The following ANXA4 variants were observed in gnomAD, a reference collection of about 807,000 sequenced individuals.
ANXA4 encodes annexin A4, also known as 35-beta calcimedin.
In ANXA4, 39 loss-of-function variants were observed where a neutral mutation model predicts 49.8. The observed-to-expected ratio is 0.78, with a 90% confidence interval of 0.61 to 1.02. ANXA4 has a LOEUF of 1.02. ANXA4 is among the 50% of genes least tolerant of loss of function. ANXA4 has a pLI of 0.00. For missense variants in ANXA4, 360 were observed against 410.1 expected (o/e 0.88, Z 1.05); for synonymous variants, 134 against 152.5 (o/e 0.88, Z 0.89).
At chr2:69,809,033 T>C (rs1464158285) in intron 6 of ANXA4, 1 of 152,222 alleles carries the variant, frequency 6.6e-6, no homozygotes, top group Non-Finnish European at 1.5e-5. Context: ...TAAAATAGTA[T>C]GCTATGATCC....
chr2:69,778,444 G>A (rs911937435), intron 1 of ANXA4, among the ~76,000 whole-genome samples: 9 of 152,158 alleles, frequency 5.9e-5, no homozygotes, highest in African/African-American at 9.7e-5. Flanking sequence ...TGTCTCTGGA[G>A]TCAGAAAAGG....
intron 2 of ANXA4, among the ~76,000 whole-genome samples, chr2:69,699,359 G>A (rs1224289640): frequency 6.6e-6 from 1 of 152,148 alleles, no homozygotes. Flanking sequence ...AGAAACTTAG[G>A]GCCAGGTGTG....
intron 3 of ANXA4, among the ~76,000 whole-genome samples, 180 bp downstream of exon 3, chr2:69,788,321 C>G (rs1672504512): frequency 6.6e-6 from 1 of 152,182 alleles, no homozygotes; most frequent in Non-Finnish European, 1.5e-5. Flanking sequence ...GGGCAGATCA[C>G]TTGAGGCCAC....
intron 3 of ANXA4, among the ~76,000 whole-genome samples, chr2:69,734,324 T>G (rs920924904): frequency 1.3e-5 from 2 of 152,182 alleles, no homozygotes; most frequent in African/African-American, 4.8e-5. Context: ...GCTTCTGACC[T>G]CACAAGCTAA....
intron 2 of ANXA4, among the ~76,000 whole-genome samples, chr2:69,719,859 T>G (rs530887514): frequency 6.6e-6 from 1 of 152,074 alleles, no homozygotes; most frequent in Non-Finnish European, 1.5e-5. Context: ...AACTCCTGCT[T>G]AAGTGATCGT....
chr2:69,800,977 TGTG>T (rs1333567319), intron 3 of ANXA4, among the ~76,000 whole-genome samples: 1 of 152,148 alleles, frequency 6.6e-6, no homozygotes, highest in Non-Finnish European at 1.5e-5. Context: ...ATAGATGAGC[TGTG>T]GCAGGCACTG....
chr2:69,798,195 A>G (rs1673025678), intron 3 of ANXA4, among the ~76,000 whole-genome samples: 2 of 152,210 alleles, frequency 1.3e-5, no homozygotes, highest in African/African-American at 4.8e-5. Context: ...TAGGAGTTAA[A>G]TAGTCTTTGA....
chr2:69,803,965 CT>C (rs2103805566), intron 3 of ANXA4, among the ~76,000 whole-genome samples: 1 of 152,050 alleles, frequency 6.6e-6, no homozygotes, highest in Admixed American at 6.5e-5. Flanking sequence ...TAGTGAAACC[CT>C]GTCTCTACTA....
intron 3 of ANXA4, among the ~76,000 whole-genome samples, chr2:69,730,525 A>G (rs1279865550): frequency 6.6e-6 from 1 of 152,196 alleles, no homozygotes; most frequent in African/African-American, 2.4e-5. Context: ...ATCCAGGAGG[A>G]TAAGCAAATT....
chr2:69,744,857 A>G (rs1670547551), intron 1 of ANXA4, among the ~76,000 whole-genome samples: 1 of 152,304 alleles, frequency 6.6e-6, no homozygotes, highest in Non-Finnish European at 1.5e-5. Flanking sequence ...GGCTTCGTAG[A>G]TTGTTAACTA....
At chr2:69,694,753 G>A (rs1394678214) in intron 2 of ANXA4, among the ~76,000 whole-genome samples, 1 of 151,778 alleles carries the variant, frequency 6.6e-6, no homozygotes, top group Non-Finnish European at 1.5e-5. Context: ...GTCATTCTGG[G>A]TAAACTTTGT....
At chr2:69,822,460 G>A (rs1164075577) in intron 12 of ANXA4, among the ~76,000 whole-genome samples, 1 of 152,046 alleles carries the variant, frequency 6.6e-6, no homozygotes, top group African/African-American at 2.4e-5. Context: ...ACAGCTAGTT[G>A]TACATCAACA....
intron 1 of ANXA4, among the ~76,000 whole-genome samples, chr2:69,752,542 GGT>G (rs771841966): frequency 1.3e-5 from 2 of 152,114 alleles, no homozygotes; most frequent in Non-Finnish European, 2.9e-5. Context: ...ACATAATCTG[GGT>G]CAGGGGCCTC....
intron 2 of ANXA4, among the ~76,000 whole-genome samples, chr2:69,716,788 G>C (rs1050501232): frequency 6.6e-6 from 1 of 152,162 alleles, no homozygotes; most frequent in Non-Finnish European, 1.5e-5. Flanking sequence ...GAAAAGAGTT[G>C]TGTTTTGTTC....
rs1037610335 is a variant in ANXA4 at position 69,678,112 on chromosome 2, G to A, written n.766+24830G>A. On this transcript the variant is annotated intron_variant and non_coding_transcript_variant, in intron 2 of 3. Coordinates refer to the ANXA4 transcript ENST00000418066. ...GTCGTGATATTTGCTTTATTTCGGCGGTCTGGAACTGAAACTGCAATATCT... is the reference window on the plus strand; with the variant it reads ...GTCGTGATATTTGCTTTATTTCGGCAGTCTGGAACTGAAACTGCAATATCT... Among the ~76,000 whole-genome samples, 5 of 152,130 alleles carry A rather than the reference G, an allele frequency of 3.3e-5. No homozygotes were observed. The East Asian group carries it at 7.7e-4, about 24-fold the overall frequency.
intron 1 of ANXA4, among the ~76,000 whole-genome samples, chr2:69,758,782 A>G (rs143625139): frequency 1.3e-5 from 2 of 152,256 alleles, no homozygotes; most frequent in Non-Finnish European, 2.9e-5. Context: ...AAATGTTCAT[A>G]ATTATCAGAT....
chr2:69,651,800 CTT>C (rs78927191), intron 1 of ANXA4, among the ~76,000 whole-genome samples: 205 of 56,560 alleles, frequency 3.6e-3, no homozygotes, highest in African/African-American at 0.012. Context: ...CCGCGCCCGG[CTT>C]TTTTTTTTTT....
intron 12 of ANXA4, among the ~76,000 whole-genome samples, chr2:69,824,949 C>G (rs1674398689): frequency 6.6e-6 from 1 of 151,656 alleles, no homozygotes; most frequent in Non-Finnish European, 1.5e-5. Context: ...CGCCTGTAGT[C>G]CCAGCTACTC....
chr2:69,757,030 A>G (rs976153346), intron 1 of ANXA4, among the ~76,000 whole-genome samples: 6 of 149,212 alleles, frequency 4.0e-5, no homozygotes, highest in Admixed American at 3.3e-4. Context: ...AATTTCAAGC[A>G]ATTCTTCTGC....
Sources: gnomAD v4.1 joint callset for allele counts (sites outside exome capture counted in the v4.1 genomes callset) on GRCh38, gnomAD v4.1.1 for gene constraint, MANE v1.5 for transcripts, NCBI Gene and HGNC (gene_info 2026-07-23, HGNC 2026-07-21) for gene names.